Variants in ERBIN observed in about 807,000 individuals in gnomAD.
The protein encoded by ERBIN is erbb2 interacting protein.
ERBIN carries 60 observed loss-of-function variants against 158.4 expected under a neutral mutation model. That is an observed-to-expected ratio of 0.38 (90% CI 0.31 to 0.47). ERBIN has a LOEUF of 0.47. Among genes scored for constraint, ERBIN ranks in the 20% least tolerant of loss-of-function variants. ERBIN has a pLI of 0.99. For synonymous variants in ERBIN, 594 were observed against 557.2 expected, an observed-to-expected ratio of 1.07 and a Z score of -0.93; for missense variants, 1,610 against 1,648.0, an observed-to-expected ratio of 0.98 and a Z score of 0.40.
intron 4 of ERBIN, among the ~76,000 whole-genome samples, chr5:66,011,391 T>TA (rs1754179662): frequency 6.6e-6 from 1 of 152,122 alleles, no homozygotes; most frequent in South Asian, 2.1e-4. Flanking sequence ...GCCCAGCATT[T>TA]AAAAAAACAA....
intron 4 of ERBIN, among the ~76,000 whole-genome samples, chr5:65,998,037 G>A (rs1181294332): frequency 1.3e-5 from 2 of 151,870 alleles, no homozygotes; most frequent in African/African-American, 4.8e-5. Context: ...AGACCAGCCT[G>A]GCCAACGTGG....
rs34947686 is a variant in ERBIN, at chr5:65,996,244, G to GTTT, written c.307+1399_307+1401dup. On this transcript the variant is annotated intron_variant, in intron 4 of 25. Coordinates refer to ENST00000284037, the MANE Select transcript of ERBIN (RefSeq NM_001253697.2). ...TTCTCCTATTTTTTTTTTCCTAGTA[G>GTTT]TTTTTTTTTTTTTTTTTTTTTAACA... Among the ~76,000 whole-genome samples, 618 of 101,076 alleles carry GTTT rather than the reference G, an allele frequency of 6.1e-3. 4 individuals carry two copies. Among genetic ancestry groups the GTTT allele is most frequent in the African/African-American group, 0.022 (565 of 26,264 alleles). 66.3% of individuals were successfully genotyped at this position (101,076 alleles called of 152,430 possible).
chr5:65,998,894 CAAAA>C (rs34966696), intron 4 of ERBIN, among the ~76,000 whole-genome samples: 3,959 of 70,030 alleles, frequency 0.057, 201 homozygotes, highest in African/African-American at 0.19. Flanking sequence ...GACCCTGTCT[CAAAA>C]AAAAAAAAAA....
intron 21 of ERBIN, among the ~76,000 whole-genome samples, chr5:66,060,128 T>C (rs1172623622): frequency 6.6e-6 from 1 of 152,216 alleles, no homozygotes; most frequent in African/African-American, 2.4e-5. Context: ...AGCTCCTCCT[T>C]GTAACTCTGG....
At chr5:65,991,148 T>A (rs1160750925) in intron 2 of ERBIN, among the ~76,000 whole-genome samples, 1 of 152,222 alleles carries the variant, frequency 6.6e-6, no homozygotes, top group African/African-American at 2.4e-5. Context: ...AGTAGAAGAA[T>A]TAGAAGCAGT....
At chr5:66,069,119 G>A in intron 21 of ERBIN, 1 of 1,139,482 alleles carries the variant, frequency 8.8e-7, no homozygotes, top group Non-Finnish European at 1.2e-6. Flanking sequence ...GTTTACTCTG[G>A]GTTAGAAACC....
chr5:65,983,505 TA>T (rs1750870347), intron 1 of ERBIN, among the ~76,000 whole-genome samples: 1 of 152,218 alleles, frequency 6.6e-6, no homozygotes, highest in Non-Finnish European at 1.5e-5. Context: ...AGTAAGGGGT[TA>T]ATAATGTTCA....
chr5:66,062,026 A>AGTT (rs1453478722), intron 21 of ERBIN, among the ~76,000 whole-genome samples: 5 of 151,992 alleles, frequency 3.3e-5, no homozygotes, highest in Non-Finnish European at 7.4e-5. Flanking sequence ...TGTGTCTTGG[A>AGTT]GTTGCTCTTC....
At chr5:66,053,156 G>A (rs528122267) in intron 20 of ERBIN, among the ~76,000 whole-genome samples, 4 of 152,180 alleles carry the variant, frequency 2.6e-5, no homozygotes, top group African/African-American at 9.6e-5. Context: ...CAGATTGAGT[G>A]TATTGATGAA....
At chr5:65,938,819 G>A (rs1034604949) in intron 1 of ERBIN, among the ~76,000 whole-genome samples, 1 of 151,918 alleles carries the variant, frequency 6.6e-6, no homozygotes, top group Admixed American at 6.6e-5. Flanking sequence ...CCAAAGTGCC[G>A]GGATTACAGC....
chr5:65,951,914 G>A (rs1251634115), intron 1 of ERBIN, among the ~76,000 whole-genome samples: 1 of 152,180 alleles, frequency 6.6e-6, no homozygotes, highest in African/African-American at 2.4e-5. Context: ...GCCTTATGAT[G>A]TTAATTTTCT....
chr5:65,962,620 CTTAAA>C (rs1748047430), intron 1 of ERBIN, among the ~76,000 whole-genome samples: 1 of 152,090 alleles, frequency 6.6e-6, no homozygotes, highest in African/African-American at 2.4e-5. Flanking sequence ...AATTAAGTAT[CTTAAA>C]TTATTTTCCC....
chr5:65,988,433 G>T (rs1225836955), intron 1 of ERBIN, among the ~76,000 whole-genome samples: 2 of 151,724 alleles, frequency 1.3e-5, no homozygotes, highest in African/African-American at 4.8e-5. Flanking sequence ...GTGTGTGTGT[G>T]TGCATACACT....
At chr5:65,979,587 A>C (rs1302466599) in intron 1 of ERBIN, among the ~76,000 whole-genome samples, 1 of 152,258 alleles carries the variant, frequency 6.6e-6, no homozygotes, top group East Asian at 1.9e-4. Flanking sequence ...AGAAAAGAAC[A>C]TTAAGGCAAT....
chr5:66,077,336 TG>T (rs1231842325), intron 25 of ERBIN, among the ~76,000 whole-genome samples: 1 of 152,132 alleles, frequency 6.6e-6, no homozygotes, highest in Admixed American at 6.5e-5. Context: ...TCCTTTTCTT[TG>T]TTCATTCAGC....
At chr5:66,014,552 C>T (rs1580351193) in intron 6 of ERBIN, 117 bp from the exon 7 acceptor site, 1 of 516,242 alleles carries the variant, frequency 1.9e-6, no homozygotes, top group African/African-American at 2.0e-5. Flanking sequence ...TAATATATTA[C>T]TTTGCAATTA....
chr5:65,989,596 C>T (rs775188072), intron 2 of ERBIN, among the ~76,000 whole-genome samples: 24 of 152,128 alleles, frequency 1.6e-4, no homozygotes, highest in Non-Finnish European at 2.9e-4. Context: ...AAAAAAAAAT[C>T]GGAAATTGTT....
chr5:65,964,099 G>A (rs1289415479), intron 1 of ERBIN, among the ~76,000 whole-genome samples: 1 of 151,992 alleles, frequency 6.6e-6, no homozygotes, highest in Non-Finnish European at 1.5e-5. Context: ...GCGCCTGGCC[G>A]GTGTGACTAT....
intron 9 of ERBIN, 125 bp downstream of exon 9, chr5:66,023,489 G>A (rs549658491): frequency 8.0e-4 from 426 of 531,708 alleles, no homozygotes; most frequent in Non-Finnish European, 1.0e-3. Flanking sequence ...TTAAACAGAA[G>A]CAAATTACTT....
Sources: gnomAD v4.1 joint callset for allele counts (sites outside exome capture counted in the v4.1 genomes callset) on GRCh38, gnomAD v4.1.1 for gene constraint, MANE v1.5 for transcripts, NCBI Gene and HGNC (gene_info 2026-07-23, HGNC 2026-07-21) for gene names.